Variants in SMIM36 observed in about 807,000 individuals in gnomAD.
SMIM36 encodes the protein small integral membrane protein 36.
At chr17:55,517,710 C>G in the SMIM36 span, among the ~76,000 whole-genome samples, 1 of 152,142 alleles carries the variant, frequency 6.6e-6, no homozygotes, top group East Asian at 1.9e-4. Flanking sequence ...GGAGGTGAAT[C>G]AAGAGTTATC....
chr17:55,466,660 G>T (rs16955977), intron 4 of SMIM36, among the ~76,000 whole-genome samples: 1 of 152,164 alleles, frequency 6.6e-6, no homozygotes, highest in African/African-American at 2.4e-5. Context: ...GATCCACAAC[G>T]TTCCTGTTCC....
rs796364034 is a variant in SMIM36 at position 55,500,828 on chromosome 17, AAT to A, written c.*174+10049_*174+10050del. Among the ~76,000 whole-genome samples the A allele has an allele frequency of 3.9e-3, 77 of 19,648 alleles. 24 individuals carry two copies. Among genetic ancestry groups the A allele is most frequent in the African/African-American group, 6.4e-3 (39 of 6,132 alleles). The allele number at this position is 19,648 out of a possible 152,430, so 12.9% of individuals were successfully genotyped here. A position where few individuals can be genotyped will look rare whatever the true frequency, so the allele number is the denominator to read the frequency against. ...TATATTATAATATATTATATTTTAT[AAT>A]ATATATTATAATATATTATATTATA... is the stretch of plus-strand genomic sequence containing the variant. On this transcript the variant is annotated intron_variant, in intron 1 of 4. Coordinates refer to ENST00000636752, the Ensembl canonical transcript of SMIM36.
chr17:55,525,806 C>T, the SMIM36 span, among the ~76,000 whole-genome samples: 1 of 151,926 alleles, frequency 6.6e-6, no homozygotes, highest in East Asian at 1.9e-4. Context: ...TACAGGCAGG[C>T]GCCACCATGC....
chr17:55,458,436 G>C (rs915237309), intron 4 of SMIM36: 1 of 152,142 alleles, frequency 6.6e-6, no homozygotes, highest in African/African-American at 2.4e-5. Flanking sequence ...AGAGGAGGGC[G>C]TGGTCCCTTG....
chr17:55,497,267 T>A (rs1909826211), intron 1 of SMIM36, among the ~76,000 whole-genome samples: 1 of 152,104 alleles, frequency 6.6e-6, no homozygotes, highest in South Asian at 2.1e-4. Context: ...TTTATTTATT[T>A]ATTATTTATT....
At chr17:55,482,878 C>G (rs1909544015) in intron 1 of SMIM36, among the ~76,000 whole-genome samples, 1 of 152,192 alleles carries the variant, frequency 6.6e-6, no homozygotes, top group Admixed American at 6.5e-5. Context: ...AGGCATCTGT[C>G]AAATAAAGTC....
At chr17:55,518,893 G>A in the SMIM36 span, among the ~76,000 whole-genome samples, 1 of 152,114 alleles carries the variant, frequency 6.6e-6, no homozygotes, top group African/African-American at 2.4e-5. Flanking sequence ...GGAACTAGAG[G>A]TAGGGACAAT....
intron 1 of SMIM36, among the ~76,000 whole-genome samples, chr17:55,508,228 C>T (rs978535091): frequency 6.6e-6 from 1 of 151,870 alleles, no homozygotes; most frequent in Non-Finnish European, 1.5e-5. Flanking sequence ...CCCCTCACCC[C>T]TTCCACAAGG....
At chr17:55,490,977 G>T (rs1909693058) in intron 1 of SMIM36, among the ~76,000 whole-genome samples, 1 of 151,792 alleles carries the variant, frequency 6.6e-6, no homozygotes, top group Non-Finnish European at 1.5e-5. Context: ...CAATCAGGCT[G>T]GGTGCTGTGG....
chr17:55,476,760 C>CT (rs1869240507), intron 3 of SMIM36, among the ~76,000 whole-genome samples: 1 of 152,018 alleles, frequency 6.6e-6, no homozygotes, highest in African/African-American at 2.4e-5. Context: ...AGAGACGGGG[C>CT]TTCACCATGT....
chr17:55,494,817 C>T (rs1255860389), intron 1 of SMIM36, among the ~76,000 whole-genome samples: 6 of 152,224 alleles, frequency 3.9e-5, no homozygotes, highest in Non-Finnish European at 5.9e-5. Context: ...CAGGCACACA[C>T]GCACACACAC....
At chr17:55,523,898 A>G in the SMIM36 span, among the ~76,000 whole-genome samples, 4 of 152,050 alleles carry the variant, frequency 2.6e-5, no homozygotes, top group African/African-American at 9.7e-5. Context: ...ACCTCCTAAG[A>G]AAGTTTTTCT....
chr17:55,507,975 C>A (rs1463674113), intron 1 of SMIM36, among the ~76,000 whole-genome samples: 2 of 152,136 alleles, frequency 1.3e-5, no homozygotes, highest in African/African-American at 2.4e-5. Context: ...ACTGGAGAAA[C>A]CCTGGGTTGG....
intron 1 of SMIM36, among the ~76,000 whole-genome samples, chr17:55,497,962 C>A (rs945399034): frequency 6.6e-6 from 1 of 152,104 alleles, no homozygotes; most frequent in African/African-American, 2.4e-5. Flanking sequence ...GTACTGCAAA[C>A]CATGTGGCTT....
chr17:55,449,953 T>C (rs1200122624), exon 5 of SMIM36: 1 of 152,220 alleles, frequency 6.6e-6, no homozygotes, highest in Admixed American at 6.5e-5. Flanking sequence ...CACGCCCATG[T>C]CCTTATCTCC....
At chr17:55,482,933 A>C (rs1909544873) in intron 1 of SMIM36, among the ~76,000 whole-genome samples, 1 of 152,242 alleles carries the variant, frequency 6.6e-6, no homozygotes, top group Admixed American at 6.5e-5. Flanking sequence ...TATAGCTTCA[A>C]GGTACATTTG....
chr17:55,496,091 T>A (rs7226241), intron 1 of SMIM36, among the ~76,000 whole-genome samples: 47,315 of 152,054 alleles, frequency 0.31, 11,159 homozygotes, highest in African/African-American at 0.63. Context: ...ATACATTTCC[T>A]TATAAGAATG....
intron 1 of SMIM36, among the ~76,000 whole-genome samples, chr17:55,495,625 T>A (rs971711088): frequency 7.9e-6 from 1 of 126,540 alleles, no homozygotes; most frequent in Admixed American, 7.9e-5. Context: ...CCTGTCTCTA[T>A]AAATTTTTTT....
chr17:55,478,576 G>T (rs1047357044), intron 3 of SMIM36, among the ~76,000 whole-genome samples, 186 bp downstream of exon 3: 2 of 152,116 alleles, frequency 1.3e-5, no homozygotes, highest in African/African-American at 4.8e-5. Context: ...CATCTGGTAG[G>T]ATTTAGGAAT....
Sources: allele counts gnomAD v4.1 joint callset (sites outside exome capture counted in the v4.1 genomes callset), GRCh38; gene constraint gnomAD v4.1.1; transcripts MANE v1.5; gene names NCBI Gene and HGNC (gene_info 2026-07-23, HGNC 2026-07-21).